The following SPTB variants were observed in gnomAD, a reference collection of about 807,000 sequenced individuals.
SPTB encodes the protein spectrin beta chain, erythrocytic.
SPTB carries 45 observed loss-of-function variants against 256.2 expected under a neutral mutation model. That is an observed-to-expected ratio of 0.18 (90% CI 0.14 to 0.23). The LOEUF (loss-of-function observed/expected upper bound fraction) is 0.23, where lower values mean the gene tolerates loss of function less well. Among genes scored for constraint, SPTB ranks in the 10% least tolerant of loss-of-function variants. The probability of loss-of-function intolerance (pLI) is 1.00; values close to 1 mark genes in which losing one functional copy is unlikely to be tolerated. For synonymous variants in SPTB, 1,231 were observed against 1,243.1 expected, an observed-to-expected ratio of 0.99 and a Z score of 0.21; for missense variants, 2,715 against 3,040.4, an observed-to-expected ratio of 0.89 and a Z score of 2.52.
chr14:64,787,487 G>C (rs755448196), intron 15 of SPTB, among the ~76,000 whole-genome samples: 3 of 152,210 alleles, frequency 2.0e-5, no homozygotes, highest in Non-Finnish European at 4.4e-5. Flanking sequence ...AATTTCCCCA[G>C]AGTTTATGAA....
In SPTB at chr14:64,786,654, G is replaced by C. The variant is rs374648585; in HGVS notation, c.3311C>G (p.Ala1104Gly). The C allele has an allele frequency of 4.3e-5, 70 of 1,614,108 alleles. No individual in the cohort carries two copies. Among genetic ancestry groups the C allele is most frequent in the East Asian group, 1.8e-4 (8 of 44,878 alleles). ...CCCGTCAATCTCATCCTTGATACCT[G>C]CATGCTGCTGCAGGAGCTGCTCAGC... The part of the protein sequence containing the change: ...PEAEQLLQQH[A>G]GIKDEIDGHQ... The change falls in exon 16 of 36, where the codon GCA becomes GGA. Residue 1104 changes from alanine to glycine, a missense_variant. Ala to Gly is a moderately conservative substitution (Grantham distance 60). Coordinates refer to ENST00000644917, the MANE Select transcript of SPTB (RefSeq NM_001355436.2). This position sits in a 1 kb window ranked among gnomAD's most constrained non-coding sequence, Gnocchi z 5.6.
At chr14:64,835,945 A>G (rs1460236129) in intron 1 of SPTB, among the ~76,000 whole-genome samples, 1 of 152,150 alleles carries the variant, frequency 6.6e-6, no homozygotes, top group Non-Finnish European at 1.5e-5. Flanking sequence ...CAGTTTCCCT[A>G]CCTGTAAAAG....
At chr14:64,752,757 C>T (rs549054403) in intron 33 of SPTB, among the ~76,000 whole-genome samples, 6 of 152,304 alleles carry the variant, frequency 3.9e-5, no homozygotes, top group South Asian at 4.1e-4. Context: ...GAATCCCTTT[C>T]GTGAGTCCCC....
chr14:64,747,570 A>C lies in SPTB; in HGVS notation c.*1736T>G, dbSNP rs2081866647. 1 of 152,442 alleles carries C rather than the reference A, an allele frequency of 6.6e-6. No individual in the cohort carries two copies. The highest frequency in any genetic ancestry group is 1.5e-5 in the Non-Finnish European group (1 of 68,022). The allele number at this position is 152,442 out of a possible 1,614,324, so 9.4% of individuals were successfully genotyped here. On this transcript the variant is annotated 3_prime_UTR_variant, in exon 36 of 36. Coordinates refer to ENST00000644917, the MANE Select transcript of SPTB (RefSeq NM_001355436.2). Reference sequence around the variant, plus strand: ...CTGCTGCAGTTGGTGTCACCCTGACATATAGTGTCAGGGCCACAGGGTGGA... The same window carrying C: ...CTGCTGCAGTTGGTGTCACCCTGACCTATAGTGTCAGGGCCACAGGGTGGA...
intron 30 of SPTB, 87 bp from the exon 31 acceptor site, chr14:64,767,439 C>A (rs937016622): frequency 1.3e-6 from 2 of 1,544,834 alleles, no homozygotes; most frequent in Non-Finnish European, 1.8e-6. Context: ...CGGCCCTGCA[C>A]CCCCACATGC....
At position 64,775,049 on chromosome 14, in the gene SPTB, G is replaced by T; in HGVS notation, c.4842+76C>A. ...CTCCTCACACAGTTGGACTCACAAG[G>T]CTCCCTACCGACAGCCAACCTCAAC... On this transcript the variant is annotated intron_variant, in intron 23 of 35. Coordinates refer to ENST00000644917, the MANE Select transcript of SPTB (RefSeq NM_001355436.2). This position sits in a 1 kb window ranked among gnomAD's most constrained non-coding sequence, Gnocchi z 5.0. 6.2e-7 allele frequency: 1 copy of T among 1,603,342 alleles called. No homozygotes were observed. Among genetic ancestry groups the T allele is most frequent in the African/African-American group, 1.3e-5 (1 of 74,870 alleles).
chr14:64,750,662 G>T (rs1036629547), intron 33 of SPTB, among the ~76,000 whole-genome samples: 36 of 152,034 alleles, frequency 2.4e-4, no homozygotes, highest in African/African-American at 7.5e-4. Context: ...TGCAGTCTCA[G>T]CTACTCAGGA....
chr14:64,875,032 A>G (rs1373140282), intron 1 of SPTB, among the ~76,000 whole-genome samples: 2 of 152,070 alleles, frequency 1.3e-5, no homozygotes, highest in Non-Finnish European at 2.9e-5. Context: ...TGCTCACATG[A>G]TATATGCTGA....
At position 64,772,610 on chromosome 14, in the gene SPTB, G is replaced by C. The variant is rs772509663; in HGVS notation, c.5523C>G (p.Phe1841Leu). 1.2e-6 allele frequency: 2 copies of C among 1,611,324 alleles called. No homozygotes were observed. The highest frequency in any genetic ancestry group is 1.7e-4 in the Middle Eastern group (1 of 6,022). The change falls in exon 26 of 36, where the codon TTC becomes TTG. Residue 1841 changes from phenylalanine (F) to leucine (L), a missense_variant. Phe to Leu is a conservative substitution (Grantham distance 22, BLOSUM62 0). This residue lies in a region of SPTB where 2,239 missense variants were observed against 2,384.4 expected (regional missense o/e 0.94). Coordinates refer to ENST00000644917, the MANE Select transcript of SPTB (RefSeq NM_001355436.2). The surrounding 1 kb of genome is among the most constrained non-coding windows in gnomAD (Gnocchi z 5.4). Reference protein sequence around the residue: ...AESFHRVHTAFERELHLLGVQ... With the variant: ...AESFHRVHTALERELHLLGVQ... ...CACCCAGCAGGTGGAGCTCCCGCTC[G>C]AAGGCTGTGTGCACCCGGTGGAAGG...
In SPTB at chr14:64,825,973, A is replaced by C. The variant is rs1594818582; in HGVS notation, c.-51-2828T>G. 6.6e-6 allele frequency among the ~76,000 whole-genome samples: 1 copy of C among 152,206 alleles called. No homozygotes were observed. The highest frequency in any genetic ancestry group is 1.9e-4 in the East Asian group (1 of 5,192). On this transcript the variant is annotated intron_variant, in intron 1 of 35. Coordinates refer to ENST00000644917, the MANE Select transcript of SPTB (RefSeq NM_001355436.2). This position sits in a 1 kb window ranked among gnomAD's most constrained non-coding sequence, Gnocchi z 4.8. ...TATGTGTGTCTAAATATACAGCTGG[A>C]GGGTTTTTGTTTTTGTTTTTGTTTT...
chr14:64,850,466 C>A (rs2083766374), intron 1 of SPTB, among the ~76,000 whole-genome samples: 1 of 152,216 alleles, frequency 6.6e-6, no homozygotes, highest in Non-Finnish European at 1.5e-5. Flanking sequence ...TACATCCAGA[C>A]AGACATATTG....
chr14:64,753,477 C>T (rs2081979163), intron 33 of SPTB, 60 bp downstream of exon 33: 1 of 1,610,212 alleles, frequency 6.2e-7, no homozygotes, highest in Non-Finnish European at 8.5e-7. Flanking sequence ...GCTCTGCTAG[C>T]AGAGAGATCC....
Position 64,841,637 on chromosome 14 carries a change from G to A in SPTB, c.-51-18492C>T, listed in dbSNP as rs2083608584. Among the ~76,000 whole-genome samples the A allele has an allele frequency of 1.3e-5, 2 of 152,068 alleles. No homozygotes were observed. Among genetic ancestry groups the A allele is most frequent in the African/African-American group, 4.8e-5 (2 of 41,376 alleles). Reference sequence around the variant, plus strand: ...TTTTCCCCCAAATCGACACAGACATGGAGAAGATAGGAAAGCATTGTGGGT... The same window carrying A: ...TTTTCCCCCAAATCGACACAGACATAGAGAAGATAGGAAAGCATTGTGGGT... On this transcript the variant is annotated intron_variant, in intron 1 of 35. Coordinates refer to ENST00000644917, the MANE Select transcript of SPTB (RefSeq NM_001355436.2). The surrounding 1 kb of genome is among the most constrained non-coding windows in gnomAD (Gnocchi z 4.6).
chr14:64,855,896 G>A (rs1204714797), intron 1 of SPTB, among the ~76,000 whole-genome samples: 3 of 152,160 alleles, frequency 2.0e-5, no homozygotes, highest in Non-Finnish European at 4.4e-5. Context: ...CACAGCACCA[G>A]GCACTCTGGT....
At chr14:64,781,003 G>A (rs2082459914) in intron 20 of SPTB, among the ~76,000 whole-genome samples, 1 of 152,196 alleles carries the variant, frequency 6.6e-6, no homozygotes, top group Admixed American at 6.5e-5. Context: ...AAATGGTGCT[G>A]GGAGAACTGG....
rs142857303 is a variant in SPTB at position 64,853,957 on chromosome 14, C to T, written c.-52+25835G>A. Among the ~76,000 whole-genome samples, 551 of 152,170 alleles carry T rather than the reference C, an allele frequency of 3.6e-3. 3 individuals carry two copies. Among genetic ancestry groups the T allele is most frequent in the African/African-American group, 0.012 (488 of 41,518 alleles). On this transcript the variant is annotated intron_variant, in intron 1 of 35. Transcript: ENST00000644917. The surrounding 1 kb of genome is among the most constrained non-coding windows in gnomAD (Gnocchi z 4.3). ...CTGTAATCCCAGTACTTTGGGAGAC[C>T]GAGGCAGGTAGATCACCTGAGGTCA...
chr14:64,786,572 C>T lies in SPTB; in HGVS notation c.3393G>A (p.Gln1131=), dbSNP rs774172612. The change falls in exon 16 of 36, where the codon CAG becomes CAA. Residue 1131 remains glutamine, a synonymous_variant. Transcript: ENST00000644917. The surrounding 1 kb of genome is among the most constrained non-coding windows in gnomAD (Gnocchi z 5.6). ...CCAGAAGCAGATACTCTGGGTCCGT[C>T]TGGCCTTGGATCACTTTCTCCCCAG... The part of the protein sequence containing the change: ...KESGEKVIQG[Q]TDPEYLLLGQ... 2 of 1,614,084 alleles carry T rather than the reference C, an allele frequency of 1.2e-6. No homozygotes were observed. Among genetic ancestry groups the T allele is most frequent in the South Asian group, 1.1e-5 (1 of 91,082 alleles).
chr14:64,770,840 T>C, intron 27 of SPTB, 45 bp downstream of exon 27: 1 of 1,613,428 alleles, frequency 6.2e-7, no homozygotes, highest in Non-Finnish European at 8.5e-7. Flanking sequence ...CGGGCTCCTC[T>C]GGCCTGGAGA....
In SPTB at chr14:64,749,336, C is replaced by T. The variant is rs1390374602; in HGVS notation, c.6957G>A (p.Lys2319=). The T allele has an allele frequency of 1.2e-6, 2 of 1,609,486 alleles. No homozygotes were observed. The highest frequency in any genetic ancestry group is 2.2e-5 in the East Asian group (1 of 44,818). ...DASLGKKDKE[K]RFSFFPKKK ...TCTTTTTGGGGAAGAAGCTGAATCT[C>T]TTCTCCTTGTCTTTCTTGCCGAGGC... is the stretch of plus-strand genomic sequence containing the variant. The change falls in exon 36 of 36, where the codon AAG becomes AAA. Residue 2319 remains lysine (K), a synonymous_variant. Coordinates refer to ENST00000644917, the MANE Select transcript of SPTB (RefSeq NM_001355436.2). The surrounding 1 kb of genome is among the most constrained non-coding windows in gnomAD (Gnocchi z 4.7).
Sources: allele counts gnomAD v4.1 joint callset (sites outside exome capture counted in the v4.1 genomes callset), GRCh38; gene constraint gnomAD v4.1.1; regional missense constraint gnomAD v4.1.1; non-coding constraint Gnocchi (gnomAD v3.1); transcripts MANE v1.5; gene names NCBI Gene and HGNC (gene_info 2026-07-23, HGNC 2026-07-21).